The following KCNMA1 variants were observed in gnomAD, a reference collection of about 807,000 sequenced individuals.
KCNMA1 encodes potassium calcium-activated channel subfamily M alpha 1.
KCNMA1 carries 29 observed loss-of-function variants against 140.0 expected under a neutral mutation model. The observed-to-expected ratio is 0.21, with a 90% CI of 0.15 to 0.28. The LOEUF (loss-of-function observed/expected upper bound fraction) is 0.28. Ranked by LOEUF, KCNMA1 falls within the 10% of genes least tolerant of loss-of-function variation. The pLI is 1.00. For missense variants in KCNMA1, 880 were observed against 1,602.2 expected (o/e 0.55, Z 7.70); for synonymous variants, 612 against 611.9 (o/e 1.00, Z 0.00).
intron 1 of KCNMA1, among the ~76,000 whole-genome samples, chr10:77,427,206 T>C (rs897336203): frequency 3.3e-5 from 5 of 152,208 alleles, no homozygotes; most frequent in African/African-American, 1.2e-4. Flanking sequence ...CCCAGAGCCC[T>C]GAGCCTGGCT....
intron 5 of KCNMA1, among the ~76,000 whole-genome samples, chr10:77,160,390 C>G (rs1398205750): frequency 6.6e-6 from 1 of 152,198 alleles, no homozygotes; most frequent in Non-Finnish European, 1.5e-5. Context: ...AAGTCCAGCT[C>G]CCCCAGCAAG....
chr10:77,205,628 T>C (rs1038868955), intron 3 of KCNMA1, among the ~76,000 whole-genome samples: 3 of 152,212 alleles, frequency 2.0e-5, no homozygotes, highest in Non-Finnish European at 4.4e-5. Context: ...AGGTTTCTTA[T>C]AGTTTTTACT....
chr10:77,557,645 A>ATT (rs148296325), intron 1 of KCNMA1, among the ~76,000 whole-genome samples: 2,186 of 131,862 alleles, frequency 0.017, 37 homozygotes, highest in Non-Finnish European at 0.026. Flanking sequence ...CCAGGAAGTG[A>ATT]TTTTTTTTTT....
intron 1 of KCNMA1, among the ~76,000 whole-genome samples, chr10:77,617,969 C>A (rs556766990): frequency 1.1e-4 from 16 of 152,300 alleles, no homozygotes; most frequent in Middle Eastern, 6.8e-3. Flanking sequence ...TTCCCAGGAT[C>A]CCTTGCAGTT....
At chr10:77,420,447 G>C (rs945471757) in intron 1 of KCNMA1, among the ~76,000 whole-genome samples, 1 of 152,202 alleles carries the variant, frequency 6.6e-6, no homozygotes, top group African/African-American at 2.4e-5. Flanking sequence ...CTCTTCAGTA[G>C]AGCTAACGTC....
chr10:77,130,310 T>C (rs1199836958), intron 5 of KCNMA1, among the ~76,000 whole-genome samples: 2 of 152,252 alleles, frequency 1.3e-5, no homozygotes, highest in Non-Finnish European at 2.9e-5. Context: ...TTATAAAATA[T>C]GCTTTGCGTT....
chr10:77,374,177 C>T (rs904481372), intron 2 of KCNMA1, among the ~76,000 whole-genome samples: 15 of 152,164 alleles, frequency 9.9e-5, no homozygotes, highest in Admixed American at 8.5e-4. Flanking sequence ...CAAGCCTGGG[C>T]GCTCTGACTA....
chr10:77,551,538 C>G (rs1346776443), intron 1 of KCNMA1, among the ~76,000 whole-genome samples: 1 of 152,212 alleles, frequency 6.6e-6, no homozygotes, highest in East Asian at 1.9e-4. Context: ...CTTTCCACCT[C>G]CAATCTGAGG....
chr10:77,485,700 G>A (rs115248917), intron 1 of KCNMA1, among the ~76,000 whole-genome samples: 17 of 152,226 alleles, frequency 1.1e-4, no homozygotes, highest in African/African-American at 1.2e-4. Context: ...AGGAGACTGA[G>A]CCCTCACTTC....
chr10:77,394,009 A>G (rs1036923667), intron 2 of KCNMA1, among the ~76,000 whole-genome samples: 4 of 152,228 alleles, frequency 2.6e-5, no homozygotes, highest in Non-Finnish European at 5.9e-5. Flanking sequence ...GGGAACACCA[A>G]TCAATGTCGG....
At chr10:77,528,990 A>ACG (rs1270636691) in intron 1 of KCNMA1, among the ~76,000 whole-genome samples, 5 of 152,164 alleles carry the variant, frequency 3.3e-5, no homozygotes, top group Non-Finnish European at 7.4e-5. Flanking sequence ...GCAGTGCTGG[A>ACG]CGGTTCTGGA....
chr10:76,921,356 T>C (rs1207022936), intron 23 of KCNMA1, among the ~76,000 whole-genome samples: 6 of 152,194 alleles, frequency 3.9e-5, no homozygotes, highest in Non-Finnish European at 8.8e-5. Flanking sequence ...ATCTATGAGA[T>C]GAATTAAATT....
chr10:77,370,989 CA>C (rs1455158027), intron 2 of KCNMA1, among the ~76,000 whole-genome samples: 1 of 152,180 alleles, frequency 6.6e-6, no homozygotes, highest in African/African-American at 2.4e-5. Flanking sequence ...GCTCTTTGCA[CA>C]ACAACACCAT....
At chr10:77,266,200 C>T (rs1241442423) in intron 2 of KCNMA1, among the ~76,000 whole-genome samples, 1 of 151,708 alleles carries the variant, frequency 6.6e-6, no homozygotes, top group Non-Finnish European at 1.5e-5. Context: ...ATTCAGAAAG[C>T]ACCACAAATG....
At chr10:76,920,372 T>C (rs758590270) in intron 23 of KCNMA1, among the ~76,000 whole-genome samples, 7 of 152,058 alleles carry the variant, frequency 4.6e-5, no homozygotes, top group South Asian at 2.1e-4. Context: ...CTCAGAACCA[T>C]CCTATGTATA....
intron 1 of KCNMA1, among the ~76,000 whole-genome samples, chr10:77,618,861 A>T (rs1567905597): frequency 6.6e-6 from 1 of 152,250 alleles, no homozygotes; most frequent in Non-Finnish European, 1.5e-5. Flanking sequence ...TTACCAGCAC[A>T]TCCCTGGATA....
intron 14 of KCNMA1, among the ~76,000 whole-genome samples, chr10:77,054,277 C>A (rs563346897): frequency 1.3e-5 from 2 of 152,306 alleles, no homozygotes; most frequent in South Asian, 4.1e-4. Flanking sequence ...ATGTCCTTCT[C>A]ATTGCCAAAT....
chr10:77,636,214 TC>T, intron 1 of KCNMA1: 1 of 1,428,692 alleles, frequency 7.0e-7, no homozygotes, highest in East Asian at 2.5e-5. Context: ...TCCAGTTCTT[TC>T]TTTTTTATTC....
chr10:77,269,123 G>T (rs771563840), intron 2 of KCNMA1, among the ~76,000 whole-genome samples: 4 of 152,176 alleles, frequency 2.6e-5, no homozygotes, highest in African/African-American at 7.2e-5. Flanking sequence ...GGGGCTTCTA[G>T]AAGACCCCCT....
Sources: allele counts gnomAD v4.1 joint callset (sites outside exome capture counted in the v4.1 genomes callset), GRCh38; gene constraint gnomAD v4.1.1; transcripts MANE v1.5; gene names NCBI Gene and HGNC (gene_info 2026-07-23, HGNC 2026-07-21).